BLTP3B: variants seen among roughly 807,000 people sequenced by gnomAD.
The protein encoded by BLTP3B is UHRF1 (ICBP90) binding protein 1-like.
At chr12:100,134,553 G>A in the BLTP3B span, among the ~76,000 whole-genome samples, 1 of 151,948 alleles carries the variant, frequency 6.6e-6, no homozygotes, top group Admixed American at 6.6e-5. Flanking sequence ...GAAGGCAGGG[G>A]TTGCAGTGAG....
the BLTP3B span, chr12:100,047,926 ATTAT>A: frequency 1.4e-6 from 2 of 1,439,480 alleles, no homozygotes; most frequent in African/African-American, 1.4e-5. Context: ...AAAATATAAA[ATTAT>A]TTATTAACAT....
the BLTP3B span, among the ~76,000 whole-genome samples, chr12:100,061,156 T>G: frequency 6.6e-6 from 1 of 152,150 alleles, no homozygotes; most frequent in South Asian, 2.1e-4. Context: ...GCCTGCCTTT[T>G]GGGAATAGAA....
At chr12:100,081,578 C>T in the BLTP3B span, among the ~76,000 whole-genome samples, 1 of 152,184 alleles carries the variant, frequency 6.6e-6, no homozygotes, top group Non-Finnish European at 1.5e-5. Flanking sequence ...ACCCTCCACC[C>T]TCAAGTAAGA....
At chr12:100,066,622 T>C in the BLTP3B span, among the ~76,000 whole-genome samples, 1 of 144,586 alleles carries the variant, frequency 6.9e-6, no homozygotes, top group African/African-American at 2.7e-5. Flanking sequence ...TGAAACCCTG[T>C]CTCTACTAAA....
chr12:100,041,429 CTTTTTTT>C, the BLTP3B span, among the ~76,000 whole-genome samples: 29 of 101,794 alleles, frequency 2.8e-4, 1 homozygote, highest in African/African-American at 7.5e-4. Flanking sequence ...GCTATTGTTA[CTTTTTTT>C]TTTTTTTTTT....
chr12:100,100,977 A>G, the BLTP3B span, among the ~76,000 whole-genome samples: 1 of 152,136 alleles, frequency 6.6e-6, no homozygotes, highest in Non-Finnish European at 1.5e-5. Context: ...TAGAAAGCCA[A>G]AATTATAAAG....
chr12:100,137,055 C>A, the BLTP3B span, among the ~76,000 whole-genome samples: 1 of 152,222 alleles, frequency 6.6e-6, no homozygotes, highest in Non-Finnish European at 1.5e-5. Context: ...AGGTGATCCA[C>A]CCGCCTCAGC....
chr12:100,126,753 A>G, the BLTP3B span, among the ~76,000 whole-genome samples: 1 of 152,238 alleles, frequency 6.6e-6, no homozygotes, highest in Non-Finnish European at 1.5e-5. Context: ...AAGGAGATGA[A>G]AATACTCAGT....
At chr12:100,054,178 G>C in the BLTP3B span, among the ~76,000 whole-genome samples, 1 of 152,082 alleles carries the variant, frequency 6.6e-6, no homozygotes, top group Non-Finnish European at 1.5e-5. Context: ...ATCTTTAAAA[G>C]GCTATGGTAC....
chr12:100,117,781 A>G, the BLTP3B span, among the ~76,000 whole-genome samples: 5 of 152,128 alleles, frequency 3.3e-5, no homozygotes, highest in Non-Finnish European at 7.3e-5. Context: ...GATTACAGGC[A>G]TGAGCCACCG....
At chr12:100,043,950 C>G in the BLTP3B span, among the ~76,000 whole-genome samples, 15 of 152,150 alleles carry the variant, frequency 9.9e-5, no homozygotes, top group Non-Finnish European at 2.9e-5. Context: ...CTGTTTCTCA[C>G]TGCTTCCCAG....
At chr12:100,074,410 C>A in the BLTP3B span, among the ~76,000 whole-genome samples, 1 of 152,024 alleles carries the variant, frequency 6.6e-6, no homozygotes, top group Non-Finnish European at 1.5e-5. Flanking sequence ...ACCAGCGTGG[C>A]CAACATGGCG....
At chr12:100,038,662 G>A in the BLTP3B span, among the ~76,000 whole-genome samples, 2 of 151,984 alleles carry the variant, frequency 1.3e-5, no homozygotes, top group Non-Finnish European at 2.9e-5. Context: ...TGGCCAATAC[G>A]TCTCCTCCAC....
At chr12:100,044,643 C>T in the BLTP3B span, among the ~76,000 whole-genome samples, 3 of 152,010 alleles carry the variant, frequency 2.0e-5, no homozygotes, top group Non-Finnish European at 4.4e-5. Flanking sequence ...CAGAAAAGTG[C>T]CAAAAGAAGT....
At chr12:100,113,401 T>C in the BLTP3B span, among the ~76,000 whole-genome samples, 1 of 151,724 alleles carries the variant, frequency 6.6e-6, no homozygotes, top group African/African-American at 2.4e-5. Context: ...AGGCAGAGGT[T>C]GCAGTGAGCT....
the BLTP3B span, chr12:100,098,414 T>G: frequency 6.2e-7 from 1 of 1,613,866 alleles, no homozygotes; most frequent in Non-Finnish European, 8.5e-7. Context: ...CAGTGTGCAT[T>G]TACACTATAG....
At chr12:100,047,636 A>T in the BLTP3B span, 3 of 1,596,232 alleles carry the variant, frequency 1.9e-6, no homozygotes, top group Non-Finnish European at 2.6e-6. Context: ...GGGGACTATC[A>T]TCCTACAGGA....
At chr12:100,141,192 T>TACC in the BLTP3B span, among the ~76,000 whole-genome samples, 1 of 151,928 alleles carries the variant, frequency 6.6e-6, no homozygotes, top group African/African-American at 2.4e-5. Context: ...CATTAAGAAA[T>TACC]ACATATTCAT....
At chr12:100,107,321 GAAT>G in the BLTP3B span, among the ~76,000 whole-genome samples, 18 of 115,446 alleles carry the variant, frequency 1.6e-4, no homozygotes, top group South Asian at 2.7e-4. Context: ...AAGATAAGTA[GAAT>G]AATAAGTTAT....
Sources: gnomAD v4.1 joint callset for allele counts (sites outside exome capture counted in the v4.1 genomes callset) on GRCh38, gnomAD v4.1.1 for gene constraint, MANE v1.5 for transcripts, NCBI Gene and HGNC (gene_info 2026-07-23, HGNC 2026-07-21) for gene names.